The following LONRF1 variants were observed in gnomAD, a reference collection of about 807,000 sequenced individuals.
LONRF1 encodes the protein LON peptidase N-terminal domain and RING finger protein 1.
In LONRF1, 37 loss-of-function variants were observed where a neutral mutation model predicts 85.8. That is an observed-to-expected ratio of 0.43 (90% CI 0.33 to 0.57). The LOEUF is 0.57. Ranked by LOEUF, LONRF1 falls within the 20% of genes least tolerant of loss-of-function variation. LONRF1 has a pLI of 0.04. For missense variants in LONRF1, 1,036 were observed against 978.0 expected, an observed-to-expected ratio of 1.06 and a Z score of -0.79; for synonymous variants, 517 against 390.1, an observed-to-expected ratio of 1.33 and a Z score of -3.83.
chr8:12,748,035 C>A (rs1376983257), intron 1 of LONRF1, among the ~76,000 whole-genome samples: 1 of 152,038 alleles, frequency 6.6e-6, no homozygotes, highest in Non-Finnish European at 1.5e-5. Context: ...TTAATAGTTG[C>A]AAAATATCCT....
chr8:12,748,924 G>A (rs544682016), intron 1 of LONRF1, among the ~76,000 whole-genome samples: 1 of 151,882 alleles, frequency 6.6e-6, no homozygotes, highest in South Asian at 2.1e-4. Flanking sequence ...GAATGTTCAG[G>A]AGTAGGAGTT....
intron 11 of LONRF1, among the ~76,000 whole-genome samples, chr8:12,725,521 A>G (rs1007576517): frequency 6.6e-6 from 1 of 152,100 alleles, no homozygotes; most frequent in Non-Finnish European, 1.5e-5. Context: ...GCTGACACGT[A>G]TTTCCAGCCT....
intron 10 of LONRF1, among the ~76,000 whole-genome samples, chr8:12,727,664 A>C (rs1798371297): frequency 6.6e-6 from 1 of 152,212 alleles, no homozygotes; most frequent in Non-Finnish European, 1.5e-5. Context: ...TGAAGACATA[A>C]ATTTACACAA....
At chr8:12,751,296 G>GGTTTTTTTTTTTTTGTT (rs1365011980) in intron 1 of LONRF1, among the ~76,000 whole-genome samples, 1 of 69,558 alleles carries the variant, frequency 1.4e-5, no homozygotes, top group Non-Finnish European at 2.8e-5. Context: ...TTATTTTTAT[G>GGTTTTTTTTTTTTTGTT]TTTTTTTTTT....
intron 7 of LONRF1, among the ~76,000 whole-genome samples, 195 bp from the exon 8 acceptor site, chr8:12,732,052 G>C (rs1259939898): frequency 2.6e-5 from 4 of 152,190 alleles, no homozygotes; most frequent in Admixed American, 2.0e-4. Flanking sequence ...GAGCAGTAAA[G>C]ATAGTTGGCT....
rs368962131 is a variant in LONRF1, at chr8:12,729,009, G to A, written c.1902C>T (p.Asp634=). 79 of 1,613,820 alleles carry A rather than the reference G, an allele frequency of 4.9e-5. No individual in the cohort carries two copies. The highest frequency in any genetic ancestry group is 4.2e-4 in the East Asian group (19 of 44,896). The change falls in exon 10 of 12, where the codon GAC becomes GAT. Residue 634 remains aspartate, a synonymous_variant. Transcript: ENST00000398246. ...CAACTGTATCAACCACAGACCTTCCGTCCGGTAAGAAATGCACGTTTCTAA... is the reference window on the plus strand; with the variant it reads ...CAACTGTATCAACCACAGACCTTCCATCCGGTAAGAAATGCACGTTTCTAA... ...LQIRNVHFLP[D]GRSVVDTVGG...
At chr8:12,728,234 G>A (rs1290892193) in intron 10 of LONRF1, among the ~76,000 whole-genome samples, 1 of 152,084 alleles carries the variant, frequency 6.6e-6, no homozygotes, top group Admixed American at 6.6e-5. Flanking sequence ...AACTGCAGTA[G>A]GTAAACTGGG....
rs112754039 is a variant in LONRF1 at position 12,746,730 on chromosome 8, A to C, written c.722-3448T>G. On this transcript the variant is annotated intron_variant, in intron 1 of 11. Transcript: ENST00000398246. ...TCTAGGATTGTCCACATTTTTATAG[A>C]AAACAGTGAAGAGTATATGCAGCTT... 2.8e-3 allele frequency among the ~76,000 whole-genome samples: 420 copies of C among 152,328 alleles called. 1 individual carries two copies. The highest frequency in any genetic ancestry group is 9.4e-3 in the African/African-American group (392 of 41,578).
rs1355266226 is a variant in LONRF1, at chr8:12,740,957, A to T, written c.880T>A (p.Phe294Ile). 1.2e-6 allele frequency: 2 copies of T among 1,613,676 alleles called. No homozygotes were observed. The highest frequency in any genetic ancestry group is 1.3e-5 in the African/African-American group (1 of 74,998). The change falls in exon 3 of 12, where the codon TTT becomes ATT. Residue 294 changes from phenylalanine to isoleucine, a missense_variant. By Grantham distance (21) the Phe-to-Ile change is conservative (BLOSUM62 0). Transcript: ENST00000398246. The part of the protein sequence containing the change: ...RKGKVLCDAG[F>I]LGDALQLFLQ... ...AAGAGTTGTAAGGCATCACCTAAAA[A>T]ACCAGCATCGCAGAGTACTTTTCCT...
At chr8:12,735,424 T>C in intron 6 of LONRF1, 24 bp from the exon 7 acceptor site, 1 of 1,423,112 alleles carries the variant, frequency 7.0e-7, no homozygotes, top group Non-Finnish European at 9.8e-7. Flanking sequence ...AGATACATGT[T>C]AGTTTTCACA....
chr8:12,722,957 C>T lies in LONRF1; in HGVS notation c.*139G>A. The T allele has an allele frequency of 1.3e-5, 10 of 765,972 alleles. No individual in the cohort carries two copies. Among genetic ancestry groups the T allele is most frequent in the Non-Finnish European group, 2.1e-5 (10 of 484,676 alleles). 47.4% of individuals were successfully genotyped at this position (765,972 alleles called of 1,614,324 possible). ...TTGAAGGTATTCATTTGCAGAACCA[C>T]ATGATTCAGGAGGTCGAAGGAAAAA... On this transcript the variant is annotated 3_prime_UTR_variant, in exon 12 of 12. Coordinates refer to ENST00000398246, the MANE Select transcript of LONRF1 (RefSeq NM_152271.5).
At chr8:12,736,394 T>C (rs543714988) in intron 6 of LONRF1, among the ~76,000 whole-genome samples, 8 of 152,274 alleles carry the variant, frequency 5.3e-5, no homozygotes, top group African/African-American at 1.9e-4. Flanking sequence ...AATAATATCA[T>C]CTATAACTTT....
chr8:12,740,768 T>C (rs1055148302), intron 3 of LONRF1, 106 bp downstream of exon 3: 5 of 1,360,670 alleles, frequency 3.7e-6, no homozygotes, highest in South Asian at 2.9e-5. Flanking sequence ...CTAAGTTAGA[T>C]TTATTTACTA....
At chr8:12,732,317 A>C (rs1173794866) in intron 7 of LONRF1, among the ~76,000 whole-genome samples, 1 of 152,220 alleles carries the variant, frequency 6.6e-6, no homozygotes, top group South Asian at 2.1e-4. Flanking sequence ...GTCTCTAGAT[A>C]AATTTTCTTT....
At chr8:12,734,978 C>T (rs1178057616) in intron 7 of LONRF1, among the ~76,000 whole-genome samples, 1 of 151,934 alleles carries the variant, frequency 6.6e-6, no homozygotes, top group Non-Finnish European at 1.5e-5. Context: ...TAGGGTTTCC[C>T]CAGTATAGTC....
chr8:12,732,418 G>A (rs748342569), intron 7 of LONRF1, among the ~76,000 whole-genome samples: 1 of 152,060 alleles, frequency 6.6e-6, no homozygotes, highest in Non-Finnish European at 1.5e-5. Flanking sequence ...CGTTTCTTGG[G>A]ACACTATCAC....
chr8:12,736,001 T>C (rs1396464590), intron 6 of LONRF1, among the ~76,000 whole-genome samples: 3 of 152,140 alleles, frequency 2.0e-5, no homozygotes, highest in African/African-American at 7.2e-5. Context: ...AACATGATAG[T>C]TTTGAATTTG....
intron 1 of LONRF1, 120 bp downstream of exon 1, chr8:12,754,580 G>T: frequency 1.7e-5 from 19 of 1,128,562 alleles, no homozygotes; most frequent in Non-Finnish European, 2.1e-5. Context: ...ACACGCCAGC[G>T]GCCCAGCGGC....
At chr8:12,737,487 T>C in intron 4 of LONRF1, 1 of 384,900 alleles carries the variant, frequency 2.6e-6, no homozygotes, top group South Asian at 2.2e-5. Flanking sequence ...GTATTATAAG[T>C]AACCTAGAGA....
Sources: gnomAD v4.1 joint callset for allele counts (sites outside exome capture counted in the v4.1 genomes callset) on GRCh38, gnomAD v4.1.1 for gene constraint, MANE v1.5 for transcripts, NCBI Gene and HGNC (gene_info 2026-07-23, HGNC 2026-07-21) for gene names.